The following ANGPT4 variants were observed in gnomAD, a reference collection of about 807,000 sequenced individuals.
ANGPT4 encodes the protein angiopoietin-4.
In ANGPT4, 50 loss-of-function variants were observed where a neutral mutation model predicts 53.0. That is an observed-to-expected ratio of 0.94 (90% CI 0.75 to 1.20). The LOEUF (loss-of-function observed/expected upper bound fraction) is 1.20, where lower values mean the gene tolerates loss of function less well. Among genes scored for constraint, ANGPT4 ranks in the 50% most tolerant of loss-of-function variants. ANGPT4 has a pLI of 0.00. For synonymous variants in ANGPT4, 251 were observed against 259.7 expected (o/e 0.97, Z 0.32); for missense variants, 648 against 637.1 (o/e 1.02, Z -0.18).
rs549460034 is a variant in ANGPT4 at position 914,559 on chromosome 20, A to AG, written c.309+1346dup. Among the ~76,000 whole-genome samples the AG allele has an allele frequency of 2.9e-3, 434 of 152,150 alleles. 2 individuals are homozygous for AG. Among genetic ancestry groups the AG allele is most frequent in the Non-Finnish European group, 3.8e-3 (257 of 67,976 alleles). ...GGGGGCCGAGTGTTAGCAGGGAGCC[A>AG]GGGGGGCAGCCAGGACAGCTATCCT... On this transcript the variant is annotated intron_variant, in intron 1 of 8. Transcript: ENST00000381922. This position sits in a 1 kb window ranked among gnomAD's most constrained non-coding sequence, Gnocchi z 5.0.
chr20:914,765 T>C lies in ANGPT4; in HGVS notation c.309+1141A>G, dbSNP rs1277978765. On this transcript the variant is annotated intron_variant, in intron 1 of 8. Transcript: ENST00000381922. This position sits in a 1 kb window ranked among gnomAD's most constrained non-coding sequence, Gnocchi z 5.0. ...GAGTCCCATCTCAGACCCCCCAGGA[T>C]GTCTCCTGTACCCTCATGCCCCGCC... is the stretch of plus-strand genomic sequence containing the variant. 6.6e-6 allele frequency among the ~76,000 whole-genome samples: 1 copy of C among 152,090 alleles called. No individual in the cohort carries two copies. Among genetic ancestry groups the C allele is most frequent in the African/African-American group, 2.4e-5 (1 of 41,400 alleles).
chr20:891,450 G>A (rs1252940501), intron 1 of ANGPT4, among the ~76,000 whole-genome samples: 1 of 152,216 alleles, frequency 6.6e-6, no homozygotes. Flanking sequence ...CCAGTATGCT[G>A]TTGTAAAGGT....
Position 871,283 on chromosome 20 carries a change from G to C in ANGPT4, c.*1677C>G, listed in dbSNP as rs931607121. 6.6e-6 allele frequency: 1 copy of C among 152,322 alleles called. No individual in the cohort carries two copies. Among genetic ancestry groups the C allele is most frequent in the African/African-American group, 2.4e-5 (1 of 41,450 alleles). 9.4% of individuals were successfully genotyped at this position (152,322 alleles called of 1,614,324 possible). A position where few individuals can be genotyped will look rare whatever the true frequency, so the allele number is the denominator to read the frequency against. ...TCTGTGCTGGGTTTACTCAGGGATC[G>C]GCTGAGAGTGGGACTCAGGGCTGGG... On this transcript the variant is annotated 3_prime_UTR_variant, in exon 9 of 9. Coordinates refer to ENST00000381922, the MANE Select transcript of ANGPT4 (RefSeq NM_015985.4).
At chr20:907,031 C>T (rs1262430002) in intron 1 of ANGPT4, among the ~76,000 whole-genome samples, 1 of 152,196 alleles carries the variant, frequency 6.6e-6, no homozygotes, top group African/African-American at 2.4e-5. Context: ...AATAGCTTTG[C>T]CATTTCCTTT....
chr20:871,955 G>C lies in ANGPT4; in HGVS notation c.*1005C>G, dbSNP rs1980959158. On this transcript the variant is annotated 3_prime_UTR_variant, in exon 9 of 9. Coordinates refer to ENST00000381922, the MANE Select transcript of ANGPT4 (RefSeq NM_015985.4). ...GCCAAAAAGGGTGAGTATAGCTGGG[G>C]TGGGGATGGGGTCGTAGGGCTCCTC... 1 of 152,216 alleles carries C rather than the reference G, an allele frequency of 6.6e-6. No homozygotes were observed. Among genetic ancestry groups the C allele is most frequent in the African/African-American group, 2.4e-5 (1 of 41,456 alleles). 9.4% of individuals were successfully genotyped at this position (152,216 alleles called of 1,614,324 possible). A position where few individuals can be genotyped will look rare whatever the true frequency, so the allele number is the denominator to read the frequency against.
intron 1 of ANGPT4, among the ~76,000 whole-genome samples, chr20:892,440 A>C (rs1407618654): frequency 6.6e-6 from 1 of 152,064 alleles, no homozygotes; most frequent in Non-Finnish European, 1.5e-5. Context: ...TACTAAAAAT[A>C]CAAAAATTAG....
chr20:897,258 A>G (rs1182105523), intron 1 of ANGPT4, among the ~76,000 whole-genome samples: 2 of 151,866 alleles, frequency 1.3e-5, no homozygotes, highest in African/African-American at 4.8e-5. Flanking sequence ...GGACAGGAGG[A>G]CTCCTTCAGG....
intron 4 of ANGPT4, among the ~76,000 whole-genome samples, chr20:883,617 G>A (rs1487327351): frequency 1.3e-5 from 2 of 152,232 alleles, no homozygotes; most frequent in South Asian, 2.1e-4. Flanking sequence ...GTCCTTCCCT[G>A]GTGATAGTGG....
At position 915,902 on chromosome 20, in the gene ANGPT4, G is replaced by A. The variant is rs73565266; in HGVS notation, c.309+4C>T. 2,833 of 1,559,718 alleles carry A rather than the reference G, an allele frequency of 1.8e-3. 52 individuals are homozygous for A. In the African/African-American group the frequency reaches 0.034, roughly 18 times the overall value. Reference sequence around the variant, plus strand: ...GCCCCCTGCAAACCTCCCATGCCCCGTACCTTCTTCAGCCACTGCGTGTTG... The same window carrying A: ...GCCCCCTGCAAACCTCCCATGCCCCATACCTTCTTCAGCCACTGCGTGTTG... On this transcript the variant is annotated splice_donor_region_variant and intron_variant, in intron 1 of 8. Coordinates refer to ENST00000381922, the MANE Select transcript of ANGPT4 (RefSeq NM_015985.4).
At position 874,430 on chromosome 20, in the gene ANGPT4, A is replaced by G. The variant is rs747398691; in HGVS notation, c.1221-16T>C. 2 of 1,612,658 alleles carry G rather than the reference A, an allele frequency of 1.2e-6. No homozygotes were observed. Among genetic ancestry groups the G allele is most frequent in the South Asian group, 2.2e-5 (2 of 91,002 alleles). ...CACAGAAAGCCTGGAGGCCACCCAG[A>G]GGTGGTGGTGGCAGAAGGGCCCAGA... On this transcript the variant is annotated splice_polypyrimidine_tract_variant and intron_variant, in intron 7 of 8. Transcript: ENST00000381922.
chr20:876,129 G>A lies in ANGPT4; in HGVS notation c.1221-1715C>T, dbSNP rs139164046. On this transcript the variant is annotated intron_variant, in intron 7 of 8. Coordinates refer to ENST00000381922, the MANE Select transcript of ANGPT4 (RefSeq NM_015985.4). ...CCACTGCACTCCAGCCTGGGCAACA[G>A]AGTAAGCCCTGTCTCAAAAAAAAAA... 4.7e-3 allele frequency among the ~76,000 whole-genome samples: 623 copies of A among 133,778 alleles called. 6 individuals are homozygous for A. The highest frequency in any genetic ancestry group is 0.013 in the Admixed American group (161 of 12,826). 87.8% of individuals were successfully genotyped at this position (133,778 alleles called of 152,430 possible).
intron 8 of ANGPT4, among the ~76,000 whole-genome samples, chr20:873,812 TC>T (rs1258184029): frequency 6.6e-6 from 1 of 152,136 alleles, no homozygotes; most frequent in African/African-American, 2.4e-5. Flanking sequence ...AGAAGGTCTC[TC>T]CCCCTGTCTC....
In ANGPT4 at chr20:916,241, G is replaced by A. The variant is rs1468478665; in HGVS notation, c.-27C>T. On this transcript the variant is annotated 5_prime_UTR_variant, in exon 1 of 9. Transcript: ENST00000381922. ...TGAAGATGTGTCAATGGCGAGGGATGTCTGCTCAGAGCCCTAGGGGCTGTG... is the reference window on the plus strand; with the variant it reads ...TGAAGATGTGTCAATGGCGAGGGATATCTGCTCAGAGCCCTAGGGGCTGTG... 1.3e-6 allele frequency: 2 copies of A among 1,599,948 alleles called. No homozygotes were observed. Among genetic ancestry groups the A allele is most frequent in the African/African-American group, 1.3e-5 (1 of 74,948 alleles).
In ANGPT4 at chr20:914,293, A is replaced by G. The variant is rs550001151; in HGVS notation, c.309+1613T>C. Among the ~76,000 whole-genome samples, 10 of 152,186 alleles carry G rather than the reference A, an allele frequency of 6.6e-5. No individual in the cohort carries two copies. Among genetic ancestry groups the G allele is most frequent in the African/African-American group, 2.4e-4 (10 of 41,510 alleles). On this transcript the variant is annotated intron_variant, in intron 1 of 8. Transcript: ENST00000381922. The surrounding 1 kb of genome is among the most constrained non-coding windows in gnomAD (Gnocchi z 5.0). Reference sequence around the variant, plus strand: ...AAAACACAACAAAGCCAGCAGAGGGACAAAGGGTGGAAGAGGAAGGTGGTT... The same window carrying G: ...AAAACACAACAAAGCCAGCAGAGGGGCAAAGGGTGGAAGAGGAAGGTGGTT...
In ANGPT4 at chr20:888,469, G is replaced by A. The variant is rs532462932; in HGVS notation, c.466-30C>T. ...CCCAGCAAGCAGAAGCAGGTAGGGG[G>A]CTGCGTAAGCGCTACAGGAGCCCTG... On this transcript the variant is annotated intron_variant, in intron 2 of 8. Transcript: ENST00000381922. The A allele has an allele frequency of 1.2e-5, 20 of 1,600,028 alleles. No individual in the cohort carries two copies. The South Asian group carries it at 2.2e-4, about 18-fold the overall frequency.
chr20:882,763 G>T (rs1352147763), intron 4 of ANGPT4, among the ~76,000 whole-genome samples: 7 of 152,188 alleles, frequency 4.6e-5, no homozygotes, highest in Admixed American at 4.6e-4. Context: ...CCAAGGCTCT[G>T]CTCACTGTTA....
rs376247749 is a variant in ANGPT4, at chr20:894,070, C to G, written c.310-3702G>C. Reference sequence around the variant, plus strand: ...AAGGGAGGGGACCCAAAGGGGGTTGCTGTTGCTGGCTCGAATGCCTGGGTT... The same window carrying G: ...AAGGGAGGGGACCCAAAGGGGGTTGGTGTTGCTGGCTCGAATGCCTGGGTT... On this transcript the variant is annotated intron_variant, in intron 1 of 8. Transcript: ENST00000381922. Among the ~76,000 whole-genome samples the G allele has an allele frequency of 1.3e-4, 20 of 152,122 alleles. No individual in the cohort carries two copies. The South Asian group carries it at 4.1e-3, about 32-fold the overall frequency.
At position 869,903 on chromosome 20, in the gene ANGPT4, C is replaced by G. The variant is rs757982688; in HGVS notation, c.*3057G>C. 1.3e-5 allele frequency: 2 copies of G among 152,262 alleles called. No individual in the cohort carries two copies. Among genetic ancestry groups the G allele is most frequent in the Non-Finnish European group, 2.9e-5 (2 of 68,094 alleles). The allele number at this position is 152,262 out of a possible 1,614,324, so 9.4% of individuals were successfully genotyped here. ...GGGATGGACACAAGACCAATCCTGG[C>G]TGCAGAAAATCATTCCTTTACTGGA... On this transcript the variant is annotated 3_prime_UTR_variant, in exon 9 of 9. Coordinates refer to ENST00000381922, the MANE Select transcript of ANGPT4 (RefSeq NM_015985.4).
chr20:897,710 G>A (rs1163190823), intron 1 of ANGPT4, among the ~76,000 whole-genome samples: 1 of 152,134 alleles, frequency 6.6e-6, no homozygotes, highest in Non-Finnish European at 1.5e-5. Flanking sequence ...GCCCAGGGCT[G>A]CTCACCGCCC....
Sources: allele counts gnomAD v4.1 joint callset (sites outside exome capture counted in the v4.1 genomes callset), GRCh38; gene constraint gnomAD v4.1.1; non-coding constraint Gnocchi (gnomAD v3.1); transcripts MANE v1.5; gene names NCBI Gene and HGNC (gene_info 2026-07-23, HGNC 2026-07-21).